The following TNRC18 variants were observed in gnomAD, a reference collection of about 807,000 sequenced individuals.
The protein encoded by TNRC18 is trinucleotide repeat-containing gene 18 protein.
TNRC18 carries 69 observed loss-of-function variants against 226.7 expected under a neutral mutation model. The observed-to-expected ratio is 0.30, with a 90% CI of 0.25 to 0.37. TNRC18 has a LOEUF of 0.37. TNRC18 is among the 10% of genes least tolerant of loss of function. The pLI is 1.00. For missense variants in TNRC18, 4,754 were observed against 4,256.6 expected, an observed-to-expected ratio of 1.12 and a Z score of -3.25; for synonymous variants, 2,449 against 1,927.6, an observed-to-expected ratio of 1.27 and a Z score of -7.09.
chr7:5,388,375 G>C lies in TNRC18; in HGVS notation c.1449C>G (p.Ala483=), dbSNP rs375555396. 6.5e-7 allele frequency: 1 copy of C among 1,545,260 alleles called. No homozygotes were observed. Among genetic ancestry groups the C allele is most frequent in the East Asian group, 2.4e-5 (1 of 40,966 alleles). ...RPCERAPRGP[A]GPAAQQAAKL... The stretch of plus-strand genomic sequence containing the variant: ...TGGCGGCCTGTTGGGCTGCAGGACC[G>C]GCTGGGCCGCGGGGCGCACGCTCGC... Residue 483 remains alanine, a synonymous_variant, in exon 5 of 30, where the codon GCC becomes GCG. Coordinates refer to ENST00000430969, the MANE Select transcript of TNRC18 (RefSeq NM_001080495.3).
rs1040977163 is a variant in TNRC18 at position 5,423,804 on chromosome 7, A to T, written c.-607T>A. 1.5e-5 allele frequency among the ~76,000 whole-genome samples: 2 copies of T among 130,350 alleles called. No homozygotes were observed. The highest frequency in any genetic ancestry group is 5.7e-5 in the African/African-American group (2 of 34,832). 85.5% of individuals were successfully genotyped at this position (130,350 alleles called of 152,430 possible). A position where few individuals can be genotyped will look rare whatever the true frequency, so the allele number is the denominator to read the frequency against. ...GGGATTGGAAAAGGTACATTACACA[A>T]CCCCCCTTTCAAGTTCCTCTCGCAG... On this transcript the variant is annotated 5_prime_UTR_variant, in exon 1 of 30. The change creates a new upstream start codon in the 5' untranslated region. Transcript: ENST00000430969.
At chr7:5,361,570 G>A (rs377714743) in intron 14 of TNRC18, 24 bp downstream of exon 14, 31 of 1,487,414 alleles carry the variant, frequency 2.1e-5, no homozygotes, top group African/African-American at 4.3e-5. Flanking sequence ...GCCAGTCCCC[G>A]ACCCACCGAG....
intron 9 of TNRC18, 77 bp downstream of exon 9, chr7:5,375,957 T>G: frequency 7.2e-7 from 1 of 1,391,132 alleles, no homozygotes; most frequent in Non-Finnish European, 9.7e-7. Flanking sequence ...TGTCTGGAGA[T>G]TCTGCTGGCT....
At chr7:5,327,579 G>A (rs959467982) in intron 19 of TNRC18, among the ~76,000 whole-genome samples, 9 of 151,876 alleles carry the variant, frequency 5.9e-5, no homozygotes, top group Admixed American at 5.3e-4. Flanking sequence ...CCCTGCAGCT[G>A]TACCCACAGG....
At position 5,413,106 on chromosome 7, in the gene TNRC18, G is replaced by A. The variant is rs1387570480; in HGVS notation, c.187+7954C>T. ...TGGGGAGGCCCGAGACCTGTGCTGA[G>A]AACAGCTCCAGCCCATCCCGTAAAA... On this transcript the variant is annotated intron_variant, in intron 2 of 29. Coordinates refer to ENST00000430969, the MANE Select transcript of TNRC18 (RefSeq NM_001080495.3). 3.3e-5 allele frequency among the ~76,000 whole-genome samples: 5 copies of A among 152,300 alleles called. No individual in the cohort carries two copies. In the South Asian group the frequency reaches 1.0e-3, roughly 32 times the overall value.
At chr7:5,379,136 G>T (rs1022246815) in intron 5 of TNRC18, among the ~76,000 whole-genome samples, 1 of 151,970 alleles carries the variant, frequency 6.6e-6, no homozygotes, top group African/African-American at 2.4e-5. Context: ...GGCAGAGGTT[G>T]CAGTGAGCCG....
At chr7:5,404,640 T>G (rs567691378) in intron 2 of TNRC18, among the ~76,000 whole-genome samples, 66 of 152,190 alleles carry the variant, frequency 4.3e-4, no homozygotes, top group Admixed American at 1.0e-3. Context: ...CCAGACCCAC[T>G]TCTGGGGATC....
rs553235948 is a variant in TNRC18, at chr7:5,367,351, G to A, written c.4219+3024C>T. On this transcript the variant is annotated intron_variant, in intron 11 of 29. Transcript: ENST00000430969. ...CTGCACTCCAGCCTGGGCAACAGAG[G>A]GAGATTCTGTCCCAGAAATAATTAA... Among the ~76,000 whole-genome samples, 102 of 152,084 alleles carry A rather than the reference G, an allele frequency of 6.7e-4. 1 individual carries two copies. Among genetic ancestry groups the A allele is most frequent in the African/African-American group, 2.4e-3 (101 of 41,512 alleles).
At chr7:5,364,729 A>G (rs1793443747) in intron 11 of TNRC18, among the ~76,000 whole-genome samples, 1 of 148,736 alleles carries the variant, frequency 6.7e-6, no homozygotes, top group South Asian at 2.1e-4. Flanking sequence ...GCTTGAACCC[A>G]GGAGGCAGAG....
chr7:5,374,848 G>T (rs1157508628), intron 9 of TNRC18, among the ~76,000 whole-genome samples: 1 of 152,188 alleles, frequency 6.6e-6, no homozygotes, highest in East Asian at 1.9e-4. Context: ...GATGGCATTG[G>T]GCGCACTCAC....
At chr7:5,372,090 C>T (rs939935899) in intron 10 of TNRC18, among the ~76,000 whole-genome samples, 4 of 149,470 alleles carry the variant, frequency 2.7e-5, no homozygotes, top group African/African-American at 9.9e-5. Flanking sequence ...TTTTTTGAGA[C>T]GCAGTCTCGC....
At chr7:5,371,389 T>C in intron 10 of TNRC18, 25 bp from the exon 11 acceptor site, 2 of 1,491,696 alleles carry the variant, frequency 1.3e-6, no homozygotes, top group African/African-American at 1.4e-5. Flanking sequence ...GGGGTCAGCA[T>C]GGGAGCCCTA....
In TNRC18 at chr7:5,325,199, C is replaced by G; in HGVS notation, c.6197G>C (p.Arg2066Pro). The G allele has an allele frequency of 6.4e-7, 1 of 1,554,182 alleles. No homozygotes were observed. The highest frequency in any genetic ancestry group is 8.7e-7 in the Non-Finnish European group (1 of 1,150,422). The part of the protein sequence containing the change: ...AGPGAGLPPP[R>P]APALPSEARA... Reference sequence around the variant, plus strand: ...GGCCTCAGAGGGCAAGGCAGGAGCTCGGGGCGGCGGCAGCCCAGCTCCTGG... The same window carrying G: ...GGCCTCAGAGGGCAAGGCAGGAGCTGGGGGCGGCGGCAGCCCAGCTCCTGG... The change falls in exon 20 of 30, where the codon CGA becomes CCA. Residue 2066 changes from arginine to proline, a missense_variant. Arg to Pro is a moderately radical substitution (Grantham distance 103). Transcript: ENST00000430969.
At chr7:5,346,340 T>C (rs1791196802) in intron 17 of TNRC18, among the ~76,000 whole-genome samples, 1 of 152,094 alleles carries the variant, frequency 6.6e-6, no homozygotes, top group Non-Finnish European at 1.5e-5. Flanking sequence ...GGACTCTTCC[T>C]GGGGGCCAGG....
At chr7:5,367,092 C>A (rs1793691775) in intron 11 of TNRC18, among the ~76,000 whole-genome samples, 1 of 152,164 alleles carries the variant, frequency 6.6e-6, no homozygotes, top group Admixed American at 6.5e-5. Context: ...GGGCTGGGTG[C>A]AGTGACTTAC....
intron 18 of TNRC18, among the ~76,000 whole-genome samples, chr7:5,337,142 C>G (rs1201681493): frequency 6.6e-6 from 1 of 152,040 alleles, no homozygotes; most frequent in Non-Finnish European, 1.5e-5. Flanking sequence ...AAAAATGTAA[C>G]CTATCACTTC....
At chr7:5,365,029 G>A (rs1487803721) in intron 11 of TNRC18, among the ~76,000 whole-genome samples, 1 of 82,396 alleles carries the variant, frequency 1.2e-5, no homozygotes. Flanking sequence ...TCATGTGGGG[G>A]GGCGGGGGCG....
rs975175353 is a variant in TNRC18, at chr7:5,309,452, C to T, written c.8389-84G>A. On this transcript the variant is annotated intron_variant, in intron 27 of 29. Transcript: ENST00000430969. The surrounding 1 kb of genome is among the most constrained non-coding windows in gnomAD (Gnocchi z 5.7). ...CTGGCAGGCTCTGCCGCTTGGGACT[C>T]TGGGCCCTCGGCCTCTAAATCAACC... 1.6e-5 allele frequency: 21 copies of T among 1,276,740 alleles called. No homozygotes were observed. Among genetic ancestry groups the T allele is most frequent in the African/African-American group, 4.5e-5 (3 of 67,220 alleles). The allele number at this position is 1,276,740 out of a possible 1,614,324, so 79.1% of individuals were successfully genotyped here.
At position 5,389,239 on chromosome 7, in the gene TNRC18, C is replaced by T. The variant is rs1780086943; in HGVS notation, c.585G>A (p.Pro195=). 3 of 1,330,950 alleles carry T rather than the reference C, an allele frequency of 2.3e-6. No homozygotes were observed. Among genetic ancestry groups the T allele is most frequent in the East Asian group, 3.1e-5 (1 of 31,772 alleles). 82.4% of individuals were successfully genotyped at this position (1,330,950 alleles called of 1,614,324 possible). ...CGTCCCGCGACGACGAGCCTTTGGCCGGGGCGCCCGAGGAGTGGCCGCCGC... is the reference window on the plus strand; with the variant it reads ...CGTCCCGCGACGACGAGCCTTTGGCTGGGGCGCCCGAGGAGTGGCCGCCGC... The part of the protein sequence containing the change: ...TPGGGHSSGA[P]AKGSSSRDGP... Residue 195 remains proline, a synonymous_variant, in exon 5 of 30, where the codon CCG becomes CCA. Coordinates refer to ENST00000430969, the MANE Select transcript of TNRC18 (RefSeq NM_001080495.3).
Sources: allele counts gnomAD v4.1 joint callset (sites outside exome capture counted in the v4.1 genomes callset), GRCh38; gene constraint gnomAD v4.1.1; non-coding constraint Gnocchi (gnomAD v3.1); transcripts MANE v1.5; gene names NCBI Gene and HGNC (gene_info 2026-07-23, HGNC 2026-07-21).